GRM3: variants seen among roughly 807,000 people sequenced by gnomAD.
The protein encoded by GRM3 is glutamate metabotropic receptor 3.
Under a neutral mutation model 70.5 loss-of-function variants are expected in GRM3, and 26 were observed. The observed-to-expected ratio is 0.37, with a 90% CI of 0.27 to 0.51. The LOEUF (loss-of-function observed/expected upper bound fraction) is 0.51. Among genes scored for constraint, GRM3 ranks in the 20% least tolerant of loss-of-function variants. The probability of loss-of-function intolerance (pLI) is 0.93; values close to 1 mark genes in which losing one functional copy is unlikely to be tolerated. For missense variants in GRM3, 859 were observed against 1,123.8 expected, an observed-to-expected ratio of 0.76 and a Z score of 3.37; for synonymous variants, 443 against 434.9, an observed-to-expected ratio of 1.02 and a Z score of -0.23.
At chr7:86,824,544 A>G (rs1798192716) in intron 3 of GRM3, among the ~76,000 whole-genome samples, 1 of 152,098 alleles carries the variant, frequency 6.6e-6, no homozygotes, top group South Asian at 2.1e-4. Flanking sequence ...ACAAGAGAGG[A>G]GTGGGTTTCA....
intron 5 of GRM3, among the ~76,000 whole-genome samples, chr7:86,853,555 T>C (rs1272985226): frequency 6.6e-6 from 1 of 152,212 alleles, no homozygotes; most frequent in African/African-American, 2.4e-5. Flanking sequence ...TCTTGGGTTG[T>C]ACATAATTCA....
At chr7:86,650,302 T>A (rs1325731490) in intron 1 of GRM3, among the ~76,000 whole-genome samples, 1 of 152,178 alleles carries the variant, frequency 6.6e-6, no homozygotes, top group Non-Finnish European at 1.5e-5. Flanking sequence ...CCTACTTTCT[T>A]ATTCTAAGAC....
At chr7:86,729,269 GTGA>G (rs988597243) in intron 1 of GRM3, among the ~76,000 whole-genome samples, 2 of 152,178 alleles carry the variant, frequency 1.3e-5, no homozygotes, top group African/African-American at 4.8e-5. Context: ...CATCTGTAAA[GTGA>G]TGATGATAGT....
At chr7:86,730,293 G>A (rs1175281064) in intron 1 of GRM3, among the ~76,000 whole-genome samples, 1 of 152,042 alleles carries the variant, frequency 6.6e-6, no homozygotes, top group African/African-American at 2.4e-5. Flanking sequence ...GGTGGCACAT[G>A]CCTGTAATCT....
At chr7:86,724,924 T>A (rs1297686361) in intron 1 of GRM3, among the ~76,000 whole-genome samples, 1 of 152,120 alleles carries the variant, frequency 6.6e-6, no homozygotes, top group Non-Finnish European at 1.5e-5. Context: ...ATAGTATTAC[T>A]AAACTTCCCA....
chr7:86,703,945 C>CA (rs1359741328), intron 1 of GRM3, among the ~76,000 whole-genome samples: 2 of 151,756 alleles, frequency 1.3e-5, no homozygotes, highest in Admixed American at 6.6e-5. Flanking sequence ...TCCCATTCCC[C>CA]AAAAAAGCCC....
intron 3 of GRM3, among the ~76,000 whole-genome samples, chr7:86,808,493 C>T (rs78163219): frequency 0.091 from 13,708 of 150,824 alleles, 1,049 homozygotes; most frequent in African/African-American, 0.22. Flanking sequence ...CTTTTTTTTT[C>T]CCCCACAAAT....
chr7:86,862,213 A>G (rs1798974183), intron 5 of GRM3, among the ~76,000 whole-genome samples: 2 of 152,184 alleles, frequency 1.3e-5, no homozygotes, highest in South Asian at 4.1e-4. Context: ...TCAAGTAGGC[A>G]GTTGGATACA....
At chr7:86,664,898 T>C (rs1217537704) in intron 1 of GRM3, among the ~76,000 whole-genome samples, 1 of 152,078 alleles carries the variant, frequency 6.6e-6, no homozygotes, top group Admixed American at 6.6e-5. Context: ...ACTTGGGAAG[T>C]TCTGGCCAGC....
At chr7:86,743,279 C>T (rs1796028617) in intron 1 of GRM3, among the ~76,000 whole-genome samples, 1 of 152,016 alleles carries the variant, frequency 6.6e-6, no homozygotes. Flanking sequence ...GCAATAAGGA[C>T]TTTTTGGGAG....
chr7:86,775,763 G>A (rs963790869), intron 2 of GRM3, among the ~76,000 whole-genome samples: 2 of 151,940 alleles, frequency 1.3e-5, no homozygotes, highest in Admixed American at 1.3e-4. Flanking sequence ...TCTCATCTCT[G>A]TCTTTGTGTT....
chr7:86,793,480 A>G (rs548670312), intron 3 of GRM3, among the ~76,000 whole-genome samples: 1 of 152,342 alleles, frequency 6.6e-6, no homozygotes, highest in South Asian at 2.1e-4. Flanking sequence ...TAGTTCCCAC[A>G]AAAGCACAGA....
chr7:86,763,295 C>T (rs2237557), intron 1 of GRM3, among the ~76,000 whole-genome samples: 5,941 of 152,170 alleles, frequency 0.039, 138 homozygotes, highest in African/African-American at 0.061. Flanking sequence ...GGGCATGTGG[C>T]TGCAACCTGT....
At chr7:86,647,585 C>T (rs986481014) in intron 1 of GRM3, among the ~76,000 whole-genome samples, 2 of 152,158 alleles carry the variant, frequency 1.3e-5, no homozygotes, top group Admixed American at 1.3e-4. Flanking sequence ...ACAGTTGTCT[C>T]ACTTTGCTAT....
At chr7:86,822,634 T>C (rs1294002371) in intron 3 of GRM3, among the ~76,000 whole-genome samples, 2 of 152,184 alleles carry the variant, frequency 1.3e-5, no homozygotes, top group African/African-American at 2.4e-5. Context: ...GAATGGTGAA[T>C]GGGAAGTGGG....
chr7:86,791,060 A>C (rs1231234400), intron 3 of GRM3, among the ~76,000 whole-genome samples: 1 of 152,182 alleles, frequency 6.6e-6, no homozygotes, highest in African/African-American at 2.4e-5. Context: ...TCACAAATGC[A>C]TCCCAAGCAT....
chr7:86,710,841 A>G (rs1795181972), intron 1 of GRM3, among the ~76,000 whole-genome samples: 1 of 152,084 alleles, frequency 6.6e-6, no homozygotes, highest in African/African-American at 2.4e-5. Flanking sequence ...ATAACAATAA[A>G]CCAAAAGGTA....
intron 3 of GRM3, among the ~76,000 whole-genome samples, chr7:86,820,310 A>T (rs558300761): frequency 7.2e-5 from 11 of 152,168 alleles, no homozygotes; most frequent in Non-Finnish European, 1.6e-4. Flanking sequence ...TTTACAACAG[A>T]CAGGGTGCAC....
intron 1 of GRM3, among the ~76,000 whole-genome samples, chr7:86,684,481 G>T (rs188048771): frequency 2.6e-5 from 4 of 152,154 alleles, no homozygotes; most frequent in Non-Finnish European, 4.4e-5. Context: ...ACAAGTCTAT[G>T]TTTCTAACCA....
Sources: gnomAD v4.1 joint callset for allele counts (sites outside exome capture counted in the v4.1 genomes callset) on GRCh38, gnomAD v4.1.1 for gene constraint, MANE v1.5 for transcripts, NCBI Gene and HGNC (gene_info 2026-07-23, HGNC 2026-07-21) for gene names.